Variants in C5 observed in about 807,000 individuals in gnomAD.
C5 encodes the protein complement C5.
C5 carries 140 observed loss-of-function variants against 218.8 expected under a neutral mutation model. The observed-to-expected ratio is 0.64, with a 90% CI of 0.56 to 0.74. The LOEUF (loss-of-function observed/expected upper bound fraction) is 0.74. Among genes scored for constraint, C5 ranks in the 30% least tolerant of loss-of-function variants. The probability of loss-of-function intolerance (pLI) is 0.00; values close to 1 mark genes in which losing one functional copy is unlikely to be tolerated. For synonymous variants in C5, 614 were observed against 682.3 expected, an observed-to-expected ratio of 0.90 and a Z score of 1.56; for missense variants, 1,700 against 1,969.6, an observed-to-expected ratio of 0.86 and a Z score of 2.59.
intron 7 of C5, among the ~76,000 whole-genome samples, chr9:121,029,028 T>C (rs2047450708): frequency 6.6e-6 from 1 of 152,224 alleles, no homozygotes; most frequent in African/African-American, 2.4e-5. Flanking sequence ...TTTTCTTTTA[T>C]GTTTTTAAAA....
chr9:120,953,628 T>C lies in C5; in HGVS notation c.4901+102A>G, dbSNP rs41258384. 8.6e-5 allele frequency: 101 copies of C among 1,180,716 alleles called. 2 individuals are homozygous for C. Among genetic ancestry groups the C allele is most frequent in the African/African-American group, 7.4e-4 (49 of 66,112 alleles). 73.1% of individuals were successfully genotyped at this position (1,180,716 alleles called of 1,614,324 possible). ...ATATTATTTAGTTCAAAATGGTTTG[T>C]TGGTTAAGAGCAGGGCCATAAGAAA... On this transcript the variant is annotated intron_variant, in intron 40 of 40. Transcript: ENST00000223642.
chr9:121,018,578 A>AAAGG (rs56204327), intron 12 of C5, among the ~76,000 whole-genome samples: 5,943 of 80,764 alleles, frequency 0.074, 445 homozygotes, highest in Middle Eastern at 0.095. Flanking sequence ...CACCAAAAAG[A>AAAGG]AAGGAAGGAA....
At chr9:120,954,921 CCT>C (rs1368082521) in intron 39 of C5, among the ~76,000 whole-genome samples, 1 of 152,160 alleles carries the variant, frequency 6.6e-6, no homozygotes, top group African/African-American at 2.4e-5. Context: ...CATTTCAGCC[CCT>C]GTCATAGTAA....
chr9:120,975,136 A>G (rs1564136598), intron 29 of C5, among the ~76,000 whole-genome samples: 1 of 152,174 alleles, frequency 6.6e-6, no homozygotes, highest in Admixed American at 6.5e-5. Context: ...CAGGGACAGG[A>G]AGGAAGTGTG....
At chr9:120,954,677 AGGG>A (rs2046771955) in intron 39 of C5, among the ~76,000 whole-genome samples, 1 of 152,246 alleles carries the variant, frequency 6.6e-6, no homozygotes, top group Non-Finnish European at 1.5e-5. Flanking sequence ...CTATATATAC[AGGG>A]CTGATATTTA....
chr9:120,986,071 T>C (rs921290547), intron 25 of C5, among the ~76,000 whole-genome samples: 2 of 152,146 alleles, frequency 1.3e-5, no homozygotes, highest in African/African-American at 4.8e-5. Flanking sequence ...CCTAGGGCAT[T>C]TGGGATAGTT....
At chr9:121,039,806 G>A (rs2047561123) in intron 3 of C5, among the ~76,000 whole-genome samples, 3 of 151,992 alleles carry the variant, frequency 2.0e-5, no homozygotes, top group Non-Finnish European at 4.4e-5. Context: ...CCACCACCAT[G>A]CCTGGCTAAT....
At chr9:121,012,516 C>A (rs2047270315) in intron 17 of C5, among the ~76,000 whole-genome samples, 1 of 151,928 alleles carries the variant, frequency 6.6e-6, no homozygotes, top group African/African-American at 2.4e-5. Context: ...CTCTGTCTCT[C>A]AAACAAACAA....
At chr9:121,023,337 C>T in intron 10 of C5, 67 bp downstream of exon 10, 2 of 1,007,398 alleles carry the variant, frequency 2.0e-6, no homozygotes, top group Middle Eastern at 2.1e-4. Flanking sequence ...GTTTGCCACC[C>T]ACATGTTTTC....
intron 7 of C5, among the ~76,000 whole-genome samples, chr9:121,027,817 T>C (rs1385396629): frequency 6.6e-6 from 1 of 152,054 alleles, no homozygotes; most frequent in Non-Finnish European, 1.5e-5. Flanking sequence ...CCAAAAGCAA[T>C]GGCAACAAAA....
At chr9:121,033,752 A>G (rs1010783992) in intron 5 of C5, among the ~76,000 whole-genome samples, 2 of 152,228 alleles carry the variant, frequency 1.3e-5, no homozygotes, top group African/African-American at 4.8e-5. Flanking sequence ...GAATTAACTG[A>G]GGGCAGAGGA....
chr9:120,957,242 ATAGTTGC>A (rs776315975), intron 39 of C5, 36 bp downstream of exon 39: 1 of 1,289,160 alleles, frequency 7.8e-7, no homozygotes, highest in South Asian at 1.2e-5. Flanking sequence ...TCAGTACTAA[ATAGTTGC>A]TGAATGAAGG....
Position 121,031,034 on chromosome 9 carries a change from G to T in C5, c.668-547C>A, listed in dbSNP as rs915815718. Among the ~76,000 whole-genome samples the T allele has an allele frequency of 1.3e-4, 20 of 152,056 alleles. 1 individual carries two copies. Among genetic ancestry groups the T allele is most frequent in the African/African-American group, 3.6e-4 (15 of 41,414 alleles). On this transcript the variant is annotated intron_variant, in intron 6 of 40. Transcript: ENST00000223642. ...GGGTTAGGATTATATGTTACAGAGA[G>T]CCTGTAATCTTTAAGGTTGAGTTTC...
chr9:120,958,323 T>C (rs771973327), intron 38 of C5, among the ~76,000 whole-genome samples: 8 of 152,238 alleles, frequency 5.3e-5, no homozygotes, highest in Non-Finnish European at 8.8e-5. Flanking sequence ...TCTATTCTGT[T>C]ATTCTGGCTT....
intron 6 of C5, among the ~76,000 whole-genome samples, chr9:121,031,431 T>C (rs1239779318): frequency 6.6e-6 from 1 of 152,174 alleles, no homozygotes; most frequent in Non-Finnish European, 1.5e-5. Flanking sequence ...AAATCATTTA[T>C]TGGTTTTACT....
chr9:121,000,309 C>G (rs547452449), intron 20 of C5, among the ~76,000 whole-genome samples: 20 of 152,004 alleles, frequency 1.3e-4, no homozygotes, highest in Non-Finnish European at 2.4e-4. Context: ...AAACTAATTC[C>G]AAAGTTTATC....
chr9:121,019,065 T>C (rs1039996893), intron 12 of C5, among the ~76,000 whole-genome samples: 4 of 151,630 alleles, frequency 2.6e-5, no homozygotes, highest in East Asian at 1.9e-4. Context: ...TAAAAAAAAA[T>C]AGATGAATAA....
chr9:120,989,370 C>T (rs41259344), intron 24 of C5, among the ~76,000 whole-genome samples, 198 bp downstream of exon 24: 10,454 of 152,174 alleles, frequency 0.069, 415 homozygotes, highest in Non-Finnish European at 0.092. Flanking sequence ...GGTGCCTTGC[C>T]TCTCATTCAG....
At chr9:121,034,956 T>C (rs1170626680) in intron 4 of C5, 62 bp from the exon 5 acceptor site, 1 of 786,872 alleles carries the variant, frequency 1.3e-6, no homozygotes, top group Non-Finnish European at 2.2e-6. Flanking sequence ...TTTAACTGAT[T>C]ATACAATCTT....
Sources: gnomAD v4.1 joint callset for allele counts (sites outside exome capture counted in the v4.1 genomes callset) on GRCh38, gnomAD v4.1.1 for gene constraint, MANE v1.5 for transcripts, NCBI Gene and HGNC (gene_info 2026-07-23, HGNC 2026-07-21) for gene names.